TTC39A: variants seen among roughly 807,000 people sequenced by gnomAD.
TTC39A encodes tetratricopeptide repeat domain 39A, also known as tetratricopeptide repeat protein 39A.
TTC39A carries 46 observed loss-of-function variants against 82.3 expected under a neutral mutation model. The observed-to-expected ratio is 0.56, with a 90% confidence interval of 0.44 to 0.71. The LOEUF is 0.71. Ranked by LOEUF, TTC39A falls within the 30% of genes least tolerant of loss-of-function variation. The pLI is 0.00. For synonymous variants in TTC39A, 254 were observed against 275.2 expected, an observed-to-expected ratio of 0.92 and a Z score of 0.76; for missense variants, 543 against 712.9, an observed-to-expected ratio of 0.76 and a Z score of 2.71.
intron 11 of TTC39A, 59 bp from the exon 12 acceptor site, chr1:51,301,792 C>T: frequency 6.5e-7 from 1 of 1,542,746 alleles, no homozygotes; most frequent in Non-Finnish European, 8.8e-7. Context: ...CCCTCTGCAT[C>T]CTCCGAACCT....
rs1243485097 is a variant in TTC39A at position 51,302,415 on chromosome 1, C to A, written c.833G>T (p.Gly278Val). The A allele has an allele frequency of 6.2e-7, 1 of 1,609,476 alleles. No individual in the cohort carries two copies. The highest frequency in any genetic ancestry group is 8.5e-7 in the Non-Finnish European group (1 of 1,177,888). Residue 278 changes from glycine (G) to valine (V), a missense_variant and splice_region_variant, in exon 11 of 18, where the codon GGT (glycine) becomes GTT (valine). By Grantham distance (109) the Gly-to-Val change is moderately radical (BLOSUM62 -3). Coordinates refer to ENST00000680483, the MANE Select transcript of TTC39A (RefSeq NM_001297663.2). Reference protein sequence around the residue: ...LKPYLNRYPKGAIFLFFAGRI... With the variant: ...LKPYLNRYPKVAIFLFFAGRI... ...CCCTGCAAAGAACAGGAAGATGGCACCCTGCAATGACACACATGTAAGTCC... is the reference window on the plus strand; with the variant it reads ...CCCTGCAAAGAACAGGAAGATGGCAACCTGCAATGACACACATGTAAGTCC...
At chr1:51,335,700 C>T (rs1007568141), upstream of TTC39A, among the ~76,000 whole-genome samples, 6 of 152,082 alleles carry the variant, frequency 3.9e-5, no homozygotes, top group African/African-American at 1.4e-4. Context: ...CTAGCCGTAG[C>T]TCGAACCCAG....
chr1:51,311,102 G>T (rs1380655701), intron 5 of TTC39A, among the ~76,000 whole-genome samples, 152 bp downstream of exon 5: 1 of 152,256 alleles, frequency 6.6e-6, no homozygotes, highest in Non-Finnish European at 1.5e-5. Context: ...GCCAGGGGCA[G>T]GAGTGTGAAG....
intron 1 of TTC39A, among the ~76,000 whole-genome samples, chr1:51,342,335 T>A (rs1296980645): frequency 6.6e-6 from 1 of 152,182 alleles, no homozygotes; most frequent in Non-Finnish European, 1.5e-5. Context: ...CTCATAACAG[T>A]ACCGAGAAAG....
At position 51,321,869 on chromosome 1, in the gene TTC39A, C is replaced by T. The variant is rs1475664164; in HGVS notation, c.42-44G>A. 1.9e-6 allele frequency: 3 copies of T among 1,552,322 alleles called. No homozygotes were observed. The Admixed American group carries it at 5.5e-5, about 28-fold the overall frequency. ...GGCATGACACAGGGGCCCTCCAACCCTCCAGCCTCTCCTGGCTGGAACAGA... is the reference window on the plus strand; with the variant it reads ...GGCATGACACAGGGGCCCTCCAACCTTCCAGCCTCTCCTGGCTGGAACAGA... On this transcript the variant is annotated intron_variant, in intron 1 of 17. Coordinates refer to ENST00000680483, the MANE Select transcript of TTC39A (RefSeq NM_001297663.2). The surrounding 1 kb of genome is among the most constrained non-coding windows in gnomAD (Gnocchi z 4.6).
At chr1:51,295,979 C>T in intron 13 of TTC39A, 100 bp downstream of exon 13, 3 of 1,368,046 alleles carry the variant, frequency 2.2e-6, no homozygotes, top group Non-Finnish European at 3.1e-6. Context: ...CTACTCCTCC[C>T]TCCCCAGTGC....
rs1644051327 is a variant in TTC39A at position 51,287,982 on chromosome 1, A to G, written c.*175T>C. On this transcript the variant is annotated 3_prime_UTR_variant, in exon 18 of 18. Transcript: ENST00000680483. ...CTGCCCTTGGCAAAGGCCCTTGGCT[A>G]CACTGGTGAAAATGCCAGCTCGGCT... is the stretch of plus-strand genomic sequence containing the variant. 9.5e-7 allele frequency: 1 copy of G among 1,057,168 alleles called. No individual in the cohort carries two copies. The highest frequency in any genetic ancestry group is 1.3e-6 in the Non-Finnish European group (1 of 753,024). 65.5% of individuals were successfully genotyped at this position (1,057,168 alleles called of 1,614,324 possible).
At chr1:51,315,024 C>A (rs1645232377) in intron 2 of TTC39A, among the ~76,000 whole-genome samples, 1 of 152,036 alleles carries the variant, frequency 6.6e-6, no homozygotes, top group Non-Finnish European at 1.5e-5. Flanking sequence ...CCAGATAACA[C>A]CCCCAGCCCC....
At chr1:51,301,905 TG>T in intron 11 of TTC39A, 172 bp from the exon 12 acceptor site, 1 of 824,752 alleles carries the variant, frequency 1.2e-6, no homozygotes, top group Non-Finnish European at 1.9e-6. Context: ...CCTCCAGTCC[TG>T]GTTTTACCTC....
chr1:51,317,516 A>G (rs936641160), intron 2 of TTC39A, among the ~76,000 whole-genome samples: 11 of 152,394 alleles, frequency 7.2e-5, no homozygotes, highest in African/African-American at 2.6e-4. Flanking sequence ...TGGGAGGCCA[A>G]GGCGGGTGGA....
intron 1 of TTC39A, chr1:51,322,355 G>T: frequency 1.6e-6 from 2 of 1,277,904 alleles, no homozygotes; most frequent in Non-Finnish European, 1.0e-6. Flanking sequence ...AATTCACTTT[G>T]CCAATGGCTC....
At chr1:51,296,496 G>C (rs954265807) in intron 12 of TTC39A, among the ~76,000 whole-genome samples, 1 of 152,256 alleles carries the variant, frequency 6.6e-6, no homozygotes, top group African/African-American at 2.4e-5. Flanking sequence ...GCTTCACAGT[G>C]GGCCCCTGAA....
Position 51,290,619 on chromosome 1 carries a change from T to A in TTC39A, c.1273A>T (p.Met425Leu), listed in dbSNP as rs1019410207. The A allele has an allele frequency of 6.2e-7, 1 of 1,612,868 alleles. No individual in the cohort carries two copies. The highest frequency in any genetic ancestry group is 8.5e-7 in the Non-Finnish European group (1 of 1,179,432). The change falls in exon 15 of 18, where the codon ATG (methionine) becomes TTG (leucine). Residue 425 changes from methionine (M) to leucine (L), a missense_variant. Met to Leu is a conservative substitution (Grantham distance 15, BLOSUM62 2). Coordinates refer to ENST00000680483, the MANE Select transcript of TTC39A (RefSeq NM_001297663.2). The part of the protein sequence containing the change: ...ISLPVPALEM[M>L]YIWNGYAVIG... ...ACGGCGTAGCCGTTCCAGATGTACA[T>A]CATTTCCTGAAGGCAGGGGGGCAAG... is the stretch of plus-strand genomic sequence containing the variant.
At chr1:51,337,811 T>C (rs1645993228) in intron 1 of TTC39A, among the ~76,000 whole-genome samples, 1 of 152,182 alleles carries the variant, frequency 6.6e-6, no homozygotes, top group African/African-American at 2.4e-5. Context: ...TGTTGTCAAG[T>C]GACATCTTTT....
At chr1:51,335,364 C>T (rs958848520), upstream of TTC39A, 4 of 145,834 alleles carry the variant, frequency 2.7e-5, no homozygotes, top group Admixed American at 7.0e-5. Flanking sequence ...GCCTGGCCAA[C>T]GTGGTGAAAC....
upstream of TTC39A, among the ~76,000 whole-genome samples, chr1:51,332,380 C>A (rs1645924553): frequency 6.6e-6 from 1 of 152,262 alleles, no homozygotes; most frequent in Admixed American, 6.5e-5. Context: ...CATCCCACAG[C>A]CTCCCGAGTA....
At chr1:51,312,259 T>C in intron 3 of TTC39A, 64 bp from the exon 4 acceptor site, 1 of 1,441,532 alleles carries the variant, frequency 6.9e-7, no homozygotes, top group Non-Finnish European at 9.6e-7. Context: ...TCTCTGCCCC[T>C]CTCTGCTACA....
Position 51,321,796 on chromosome 1 carries a change from A to G in TTC39A, c.71T>C (p.Leu24Pro). Reference sequence around the variant, plus strand: ...GTCCAGGGCGGTCATGCACTGGTCCAGGGCCTCATGGAGGCTGCTCTCAGG... The same window carrying G: ...GTCCAGGGCGGTCATGCACTGGTCCGGGGCCTCATGGAGGCTGCTCTCAGG... ...GTPESSLHEA[L>P]DQCMTALDLF... Residue 24 changes from leucine to proline, a missense_variant, in exon 2 of 18, where the codon CTG becomes CCG. By Grantham distance (98) the Leu-to-Pro change is moderately conservative (BLOSUM62 -3). Transcript: ENST00000680483. The surrounding 1 kb of genome is among the most constrained non-coding windows in gnomAD (Gnocchi z 4.6). 1 of 1,613,846 alleles carries G rather than the reference A, an allele frequency of 6.2e-7. No individual in the cohort carries two copies. Among genetic ancestry groups the G allele is most frequent in the Non-Finnish European group, 8.5e-7 (1 of 1,179,824 alleles).
Position 51,306,853 on chromosome 1 carries a change from A to ACCCC in TTC39A, c.489-781_489-778dup, listed in dbSNP as rs3068549. Among the ~76,000 whole-genome samples the ACCCC allele has an allele frequency of 3.9e-3, 236 of 60,102 alleles. 1 individual carries two copies. The highest frequency in any genetic ancestry group is 5.3e-3 in the African/African-American group (62 of 11,704). The allele number at this position is 60,102 out of a possible 152,430, so 39.4% of individuals were successfully genotyped here. ...ACAGCATTCTCACTTTAAGGGACAG[A>ACCCC]CCCCCCCCCCCCGCCCCCCGATTGA... On this transcript the variant is annotated intron_variant, in intron 6 of 17. Transcript: ENST00000680483.
Sources: allele counts gnomAD v4.1 joint callset (sites outside exome capture counted in the v4.1 genomes callset), GRCh38; gene constraint gnomAD v4.1.1; non-coding constraint Gnocchi (gnomAD v3.1); transcripts MANE v1.5; gene names NCBI Gene and HGNC (gene_info 2026-07-23, HGNC 2026-07-21).